EYA4: variants seen among roughly 807,000 people sequenced by gnomAD.
EYA4 encodes EYA transcriptional coactivator and phosphatase 4, also known as protein phosphatase EYA4.
In EYA4, 31 loss-of-function variants were observed where a neutral mutation model predicts 87.9. The observed-to-expected ratio is 0.35, with a 90% CI of 0.27 to 0.48. EYA4 has a LOEUF of 0.48. Among genes scored for constraint, EYA4 ranks in the 20% least tolerant of loss-of-function variants. EYA4 has a pLI of 0.99. For synonymous variants in EYA4, 263 were observed against 270.6 expected (o/e 0.97, Z 0.28); for missense variants, 678 against 761.4 (o/e 0.89, Z 1.29).
At chr6:133,468,967 T>A (rs1193935888) in intron 11 of EYA4, among the ~76,000 whole-genome samples, 1 of 152,084 alleles carries the variant, frequency 6.6e-6, no homozygotes, top group East Asian at 1.9e-4. Flanking sequence ...CATATGAATA[T>A]GGAGCTTTTG....
chr6:133,375,006 TA>T (rs1188675703), intron 2 of EYA4, among the ~76,000 whole-genome samples: 1 of 152,064 alleles, frequency 6.6e-6, no homozygotes, highest in Non-Finnish European at 1.5e-5. Flanking sequence ...AACAGAGATA[TA>T]TTTTTTAAAA....
chr6:133,398,677 A>G (rs917446654), intron 3 of EYA4, among the ~76,000 whole-genome samples: 2 of 152,098 alleles, frequency 1.3e-5, no homozygotes, highest in Non-Finnish European at 2.9e-5. Context: ...AAAAACTTTG[A>G]GAAGACTCTA....
At chr6:133,293,082 T>G (rs901166254) in intron 2 of EYA4, among the ~76,000 whole-genome samples, 17 of 152,232 alleles carry the variant, frequency 1.1e-4, no homozygotes, top group African/African-American at 4.1e-4. Context: ...TGATCCCCTC[T>G]TGGATCTCCT....
intron 2 of EYA4, among the ~76,000 whole-genome samples, chr6:133,361,662 T>G (rs558622105): frequency 5.3e-5 from 8 of 152,304 alleles, no homozygotes; most frequent in Non-Finnish European, 4.4e-5. Flanking sequence ...AGAGAAAGAA[T>G]GAAGACCTCC....
chr6:133,391,877 C>T (rs1328161830), intron 3 of EYA4, among the ~76,000 whole-genome samples: 2 of 152,164 alleles, frequency 1.3e-5, no homozygotes, highest in Non-Finnish European at 2.9e-5. Flanking sequence ...CCTCCCTCAT[C>T]CTTCACTTTA....
chr6:133,241,788 C>G (rs1224131033), intron 1 of EYA4, 39 bp downstream of exon 1: 2 of 152,292 alleles, frequency 1.3e-5, no homozygotes, highest in Non-Finnish European at 2.9e-5. Context: ...CCCAGGGCTC[C>G]CGGGGGAGCC....
chr6:133,444,558 G>A (rs1792614584), intron 3 of EYA4, among the ~76,000 whole-genome samples: 1 of 152,140 alleles, frequency 6.6e-6, no homozygotes, highest in African/African-American at 2.4e-5. Context: ...TAGCACAGTT[G>A]CAGCAAAGGT....
At chr6:133,485,240 G>T (rs1796588484) in intron 13 of EYA4, among the ~76,000 whole-genome samples, 1 of 152,066 alleles carries the variant, frequency 6.6e-6, no homozygotes, top group Admixed American at 6.6e-5. Flanking sequence ...TTCCCTAAAA[G>T]GTTTTTTTTC....
rs893273110 is a variant in EYA4 at position 133,342,448 on chromosome 6, G to T, written c.34-39944G>T. Among the ~76,000 whole-genome samples, 31 of 148,668 alleles carry T rather than the reference G, an allele frequency of 2.1e-4. 1 individual carries two copies. The highest frequency in any genetic ancestry group is 3.7e-4 in the Non-Finnish European group (25 of 66,936). ...TCCAAGGGAAGGAAGCACAGATTCA[G>T]ATCGGAAGGTGTAGCAAGGGACAGG... On this transcript the variant is annotated intron_variant, in intron 2 of 19. Transcript: ENST00000355286.
chr6:133,428,772 A>G (rs1323593407), intron 3 of EYA4, among the ~76,000 whole-genome samples: 1 of 152,136 alleles, frequency 6.6e-6, no homozygotes, highest in East Asian at 1.9e-4. Context: ...ATGAAGAGGA[A>G]CTTACCCCCA....
At chr6:133,511,637 C>T (rs947408815) in intron 14 of EYA4, 11 of 152,146 alleles carry the variant, frequency 7.2e-5, no homozygotes, top group Admixed American at 7.2e-4. Flanking sequence ...TCCTTATCCA[C>T]ATAAGTTACC....
chr6:133,273,000 G>A (rs1304442026), intron 1 of EYA4, among the ~76,000 whole-genome samples: 1 of 151,060 alleles, frequency 6.6e-6, no homozygotes. Flanking sequence ...CTGGGTTAAG[G>A]CACCCGATGC....
At chr6:133,245,134 GCCCC>G (rs1774303095) in intron 1 of EYA4, 1 of 152,074 alleles carries the variant, frequency 6.6e-6, no homozygotes, top group Admixed American at 6.6e-5. Context: ...GTAAAAACAG[GCCCC>G]TCTTTATAAG....
intron 3 of EYA4, among the ~76,000 whole-genome samples, chr6:133,394,288 T>TTTTTTTGG (rs1787583555): frequency 6.3e-5 from 1 of 15,838 alleles, no homozygotes; most frequent in African/African-American, 9.0e-5. Context: ...GCTTGTGTTT[T>TTTTTTTGG]TTTTTTTTTT....
intron 17 of EYA4, among the ~76,000 whole-genome samples, chr6:133,519,689 CA>C (rs200521021): frequency 6.8e-5 from 10 of 147,452 alleles, no homozygotes; most frequent in African/African-American, 1.0e-4. Flanking sequence ...AGAGACACAA[CA>C]AAAAAAGAGA....
chr6:133,408,498 T>A lies in EYA4; in HGVS notation c.83+26057T>A, dbSNP rs1788929982. 2.0e-5 allele frequency among the ~76,000 whole-genome samples: 3 copies of A among 152,156 alleles called. No individual in the cohort carries two copies. In the South Asian group the frequency reaches 6.2e-4, roughly 32 times the overall value. ...GCAAGTTCAGTTTTGGAAAAAAAAA[T>A]TAAATTTATTATTACAAAGGCAATC... On this transcript the variant is annotated intron_variant, in intron 3 of 19. Coordinates refer to ENST00000355286, the MANE Select transcript of EYA4 (RefSeq NM_004100.5).
chr6:133,448,216 G>C (rs1358595714), intron 5 of EYA4, 37 bp downstream of exon 5: 1 of 1,486,408 alleles, frequency 6.7e-7, no homozygotes, highest in Non-Finnish European at 9.4e-7. Context: ...GTGTTTGGGT[G>C]TGTGGATTTG....
At chr6:133,249,106 T>C (rs964932600) in intron 1 of EYA4, among the ~76,000 whole-genome samples, 1 of 152,192 alleles carries the variant, frequency 6.6e-6, no homozygotes, top group Non-Finnish European at 1.5e-5. Context: ...CTTGCAAAAT[T>C]AGAGTGGGAT....
At chr6:133,428,554 T>C (rs1040051264) in intron 3 of EYA4, among the ~76,000 whole-genome samples, 1 of 152,214 alleles carries the variant, frequency 6.6e-6, no homozygotes, top group Admixed American at 6.5e-5. Context: ...TAGACTGGCC[T>C]CAAGAGTGGT....
Sources: gnomAD v4.1 joint callset for allele counts (sites outside exome capture counted in the v4.1 genomes callset) on GRCh38, gnomAD v4.1.1 for gene constraint, MANE v1.5 for transcripts, NCBI Gene and HGNC (gene_info 2026-07-23, HGNC 2026-07-21) for gene names.